Variants in SACM1L observed in about 807,000 individuals in gnomAD.
SACM1L encodes the protein SAC1 like phosphatidylinositide phosphatase.
In SACM1L, 32 loss-of-function variants were observed where a neutral mutation model predicts 89.5. The observed-to-expected ratio is 0.36, with a 90% CI of 0.27 to 0.48. The LOEUF (loss-of-function observed/expected upper bound fraction) is 0.48. Ranked by LOEUF, SACM1L falls within the 20% of genes least tolerant of loss-of-function variation. The pLI is 0.99. For synonymous variants in SACM1L, 213 were observed against 232.8 expected, an observed-to-expected ratio of 0.92 and a Z score of 0.77; for missense variants, 543 against 708.5, an observed-to-expected ratio of 0.77 and a Z score of 2.65.
intron 13 of SACM1L, among the ~76,000 whole-genome samples, chr3:45,733,872 G>A (rs150064093): frequency 6.6e-6 from 1 of 152,274 alleles, no homozygotes; most frequent in African/African-American, 2.4e-5. Context: ...GCTAAGGCTA[G>A]CAAACAGATA....
At position 45,737,730 on chromosome 3, in the gene SACM1L, G is replaced by A. The variant is rs754752417; in HGVS notation, c.1310-42G>A. 7.5e-6 allele frequency: 12 copies of A among 1,592,252 alleles called. No individual in the cohort carries two copies. In the African/African-American group the frequency reaches 1.6e-4, roughly 22 times the overall value. On this transcript the variant is annotated intron_variant, in intron 15 of 19. Transcript: ENST00000389061. ...ATATTCTGGATTTAGAACTTTGTTT[G>A]TCATCTTAATAATTATCAGCTGTTT...
At chr3:45,737,560 C>T (rs568347048) in intron 14 of SACM1L, 23 bp from the exon 15 acceptor site, 1 of 1,585,668 alleles carries the variant, frequency 6.3e-7, no homozygotes. Flanking sequence ...ACACATAAAT[C>T]TGGGTGTGGT....
intron 5 of SACM1L, among the ~76,000 whole-genome samples, 194 bp downstream of exon 5, chr3:45,709,841 A>T (rs1056858192): frequency 2.0e-5 from 3 of 152,216 alleles, no homozygotes; most frequent in Admixed American, 1.3e-4. Context: ...GTGTATATAT[A>T]CAGCCAGAAT....
At chr3:45,699,821 C>T (rs976772233) in intron 1 of SACM1L, among the ~76,000 whole-genome samples, 1 of 152,100 alleles carries the variant, frequency 6.6e-6, no homozygotes, top group Non-Finnish European at 1.5e-5. Context: ...CGCGCCCAGC[C>T]GAGAAAAACT....
intron 7 of SACM1L, among the ~76,000 whole-genome samples, chr3:45,717,064 A>G (rs990988518): frequency 2.0e-5 from 3 of 152,184 alleles, no homozygotes; most frequent in African/African-American, 7.2e-5. Flanking sequence ...CAAATATTAC[A>G]TTGGAGTCTT....
chr3:45,717,965 T>C lies in SACM1L; in HGVS notation c.578-1535T>C, dbSNP rs936058741. ...TTTTAAAAAAGCAGACAACATCAAA[T>C]GTTGGTAAAGGTGAGAAGCCAAAGT... On this transcript the variant is annotated intron_variant, in intron 7 of 19. Coordinates refer to ENST00000389061, the MANE Select transcript of SACM1L (RefSeq NM_014016.5). Among the ~76,000 whole-genome samples, 4 of 152,304 alleles carry C rather than the reference T, an allele frequency of 2.6e-5. No individual in the cohort carries two copies. In the East Asian group the frequency reaches 7.7e-4, roughly 29 times the overall value.
chr3:45,691,781 A>G (rs927494314), intron 1 of SACM1L, among the ~76,000 whole-genome samples: 1 of 151,976 alleles, frequency 6.6e-6, no homozygotes, highest in Non-Finnish European at 1.5e-5. Context: ...CACCTGTCCT[A>G]CTTCGGATTT....
intron 7 of SACM1L, among the ~76,000 whole-genome samples, chr3:45,714,552 C>T (rs950571958): frequency 3.3e-5 from 5 of 152,114 alleles, no homozygotes; most frequent in South Asian, 2.1e-4. Context: ...GCTGTGATGG[C>T]ACCACTGCAC....
At chr3:45,710,879 T>TC (rs1166822894) in intron 5 of SACM1L, among the ~76,000 whole-genome samples, 1 of 152,188 alleles carries the variant, frequency 6.6e-6, no homozygotes, top group Non-Finnish European at 1.5e-5. Context: ...AACTTGGCTT[T>TC]TAACTACAAA....
At chr3:45,689,876 C>T (rs1697928052) in intron 1 of SACM1L, 3 of 304,470 alleles carry the variant, frequency 9.9e-6, no homozygotes, top group East Asian at 6.5e-5. Flanking sequence ...AGAGTTTTCT[C>T]TTACTTAACG....
chr3:45,730,294 A>G (rs1699016230), intron 11 of SACM1L, among the ~76,000 whole-genome samples: 1 of 146,306 alleles, frequency 6.8e-6, no homozygotes, highest in South Asian at 2.2e-4. Context: ...CTTTTCCCCT[A>G]CGGTTTGCTG....
rs772913694 is a variant in SACM1L at position 45,739,597 on chromosome 3, T to C, written c.1580T>C (p.Ile527Thr). 3.7e-6 allele frequency: 6 copies of C among 1,614,136 alleles called. No individual in the cohort carries two copies. The highest frequency in any genetic ancestry group is 1.6e-4 in the Middle Eastern group (1 of 6,062). The stretch of plus-strand genomic sequence containing the variant: ...TATTGTCTTTTCCAGTTGCCTATTA[T>C]CATGGTTGTTGCCTTTTCAATGTGC... Reference protein sequence around the residue: ...RDWKFLALPIIMVVAFSMCII... With the variant: ...RDWKFLALPITMVVAFSMCII... The change falls in exon 19 of 20, where the codon ATC (isoleucine) becomes ACC (threonine). Residue 527 changes from isoleucine (I) to threonine (T), a missense_variant. By Grantham distance (89) the Ile-to-Thr change is moderately conservative (BLOSUM62 -1). Coordinates refer to ENST00000389061, the MANE Select transcript of SACM1L (RefSeq NM_014016.5).
chr3:45,711,096 G>T (rs1490662317), intron 5 of SACM1L, among the ~76,000 whole-genome samples: 1 of 152,180 alleles, frequency 6.6e-6, no homozygotes, highest in Non-Finnish European at 1.5e-5. Context: ...AGTGAGGTGG[G>T]ATCCTGAAGG....
chr3:45,737,880 T>C lies in SACM1L; in HGVS notation c.1382+36T>C. The C allele has an allele frequency of 3.9e-6, 6 of 1,534,170 alleles. No homozygotes were observed. The Middle Eastern group carries it at 1.0e-3, about 262-fold the overall frequency. On this transcript the variant is annotated intron_variant, in intron 16 of 19. Coordinates refer to ENST00000389061, the MANE Select transcript of SACM1L (RefSeq NM_014016.5). ...CTTTTAAAATAGCATTCCACATCAG[T>C]AGTTCACAGTCCTGGTGCTTTTAAA...
chr3:45,731,447 A>T (rs1699052081), intron 12 of SACM1L, 67 bp downstream of exon 12: 2 of 1,011,138 alleles, frequency 2.0e-6, no homozygotes, highest in Non-Finnish European at 1.5e-6. Context: ...ATGCATGATT[A>T]CATAGAGCTC....
intron 7 of SACM1L, among the ~76,000 whole-genome samples, chr3:45,715,575 A>G (rs1175764641): frequency 6.6e-6 from 1 of 152,178 alleles, no homozygotes; most frequent in East Asian, 1.9e-4. Flanking sequence ...GGAGTTCGAG[A>G]CCAGTCTGGA....
chr3:45,710,980 C>T (rs1309489270), intron 5 of SACM1L, among the ~76,000 whole-genome samples: 1 of 152,000 alleles, frequency 6.6e-6, no homozygotes, highest in African/African-American at 2.4e-5. Context: ...CTATACTAGC[C>T]CCTGGGGACC....
chr3:45,725,217 G>A (rs1698890093), intron 11 of SACM1L, among the ~76,000 whole-genome samples: 1 of 152,070 alleles, frequency 6.6e-6, no homozygotes, highest in Non-Finnish European at 1.5e-5. Flanking sequence ...TTCTATTTCT[G>A]CAAACAATGT....
At chr3:45,711,036 TG>T (rs989658864) in intron 5 of SACM1L, among the ~76,000 whole-genome samples, 2 of 152,134 alleles carry the variant, frequency 1.3e-5, no homozygotes, top group Non-Finnish European at 2.9e-5. Context: ...TACAGTCTGC[TG>T]GGGAAGTGGT....
Sources: gnomAD v4.1 joint callset for allele counts (sites outside exome capture counted in the v4.1 genomes callset) on GRCh38, gnomAD v4.1.1 for gene constraint, MANE v1.5 for transcripts, NCBI Gene and HGNC (gene_info 2026-07-23, HGNC 2026-07-21) for gene names.